REV3L: variants seen among roughly 807,000 people sequenced by gnomAD.
REV3L encodes the protein REV3 like, DNA directed polymerase zeta catalytic subunit, also known as DNA polymerase zeta catalytic subunit.
A neutral mutation model predicts 299.4 loss-of-function variants in REV3L; 69 were observed. The observed-to-expected ratio is 0.23, with a 90% CI of 0.19 to 0.28. The LOEUF (loss-of-function observed/expected upper bound fraction) is 0.28, where lower values mean the gene tolerates loss of function less well. REV3L is among the 10% of genes least tolerant of loss of function. The pLI, the probability that REV3L is intolerant of heterozygous loss-of-function variation, is 1.00. For synonymous variants in REV3L, 1,238 were observed against 1,271.4 expected (o/e 0.97, Z 0.56); for missense variants, 3,128 against 3,693.8 (o/e 0.85, Z 3.97).
chr6:111,374,340 G>T lies in REV3L; in HGVS notation c.4015C>A (p.Pro1339Thr), dbSNP rs17539616. 2 of 1,613,844 alleles carry T rather than the reference G, an allele frequency of 1.2e-6. No individual in the cohort carries two copies. Among genetic ancestry groups the T allele is most frequent in the African/African-American group, 1.3e-5 (1 of 75,008 alleles). Residue 1339 changes from proline (P) to threonine (T), a missense_variant, in exon 13 of 32, where the codon CCT (proline) becomes ACT (threonine). Pro to Thr is a conservative substitution (Grantham distance 38). Transcript: ENST00000368802. The stretch of plus-strand genomic sequence containing the variant: ...GTAAACATAGCACTTTGATTATGAG[G>T]CCTTTGAACATTAATTTTTGAGACT... ...PGVSKINVQR[P>T]HNQSAMFTLK...
chr6:111,350,316 T>G (rs573465221), intron 19 of REV3L, among the ~76,000 whole-genome samples: 1 of 152,278 alleles, frequency 6.6e-6, no homozygotes, highest in East Asian at 1.9e-4. Flanking sequence ...AAAGAGATAA[T>G]GTTTAAAAGT....
rs969707989 is a variant in REV3L at position 111,455,205 on chromosome 6, T to C, written c.139+27545A>G. ...GAGAGGCTTCACAGTGTAGATGATG[T>C]CTCAGGACAGTCTTGAAGTGTGAAG... is the stretch of plus-strand genomic sequence containing the variant. On this transcript the variant is annotated intron_variant, in intron 1 of 31. Coordinates refer to ENST00000368802, the MANE Select transcript of REV3L (RefSeq NM_001372078.1). 4.0e-5 allele frequency among the ~76,000 whole-genome samples: 6 copies of C among 151,784 alleles called. No individual in the cohort carries two copies. The East Asian group carries it at 5.8e-4, about 15-fold the overall frequency.
At chr6:111,408,327 G>A (rs1783865793) in intron 3 of REV3L, among the ~76,000 whole-genome samples, 1 of 152,166 alleles carries the variant, frequency 6.6e-6, no homozygotes, top group African/African-American at 2.4e-5. Flanking sequence ...GAGGGGCTGG[G>A]CACGGTGGCT....
chr6:111,322,994 CT>C (rs780823778), intron 25 of REV3L, among the ~76,000 whole-genome samples: 206 of 117,638 alleles, frequency 1.8e-3, no homozygotes, highest in Middle Eastern at 5.2e-3. Flanking sequence ...TATTCAAGAA[CT>C]TTTTTTTTTT....
At position 111,375,953 on chromosome 6, in the gene REV3L, C is replaced by G; in HGVS notation, c.2402G>C (p.Ser801Thr). The stretch of plus-strand genomic sequence containing the variant: ...AGTAAGACAGTTAGAAAGAACAACA[C>G]TGGGAAAAAACATATAGTGTGCTGC... ...QQAAHYMFFP[S>T]VVLSNCLTRP... The change falls in exon 13 of 32, where the codon AGT becomes ACT. Residue 801 changes from serine (S) to threonine (T), a missense_variant. Around this residue, in one of 9 missense-constraint regions of REV3L, gnomAD observed 2,409 missense variants for 2,611.8 expected, o/e 0.92. Transcript: ENST00000368802. 1 of 1,613,848 alleles carries G rather than the reference C, an allele frequency of 6.2e-7. No individual in the cohort carries two copies. The highest frequency in any genetic ancestry group is 8.5e-7 in the Non-Finnish European group (1 of 1,179,890).
chr6:111,429,788 CG>C (rs1226191526), intron 1 of REV3L, among the ~76,000 whole-genome samples: 1 of 151,940 alleles, frequency 6.6e-6, no homozygotes, highest in Non-Finnish European at 1.5e-5. Context: ...GGGCCTGGCG[CG>C]GGGGGTGAGC....
At chr6:111,437,238 A>G (rs1304314267) in intron 1 of REV3L, among the ~76,000 whole-genome samples, 1 of 152,192 alleles carries the variant, frequency 6.6e-6, no homozygotes, top group East Asian at 1.9e-4. Context: ...ACTCCTAGGT[A>G]TATGTCTAAG....
chr6:111,388,679 T>A (rs760875067), intron 7 of REV3L, among the ~76,000 whole-genome samples: 21 of 152,178 alleles, frequency 1.4e-4, no homozygotes, highest in Non-Finnish European at 2.8e-4. Flanking sequence ...AGAGCTTATA[T>A]GACATACTCA....
chr6:111,450,478 C>CAAAAAAAAAAAAAAAAA (rs869119350), intron 1 of REV3L, among the ~76,000 whole-genome samples: 1 of 54,114 alleles, frequency 1.8e-5, no homozygotes, highest in Non-Finnish European at 2.8e-5. Context: ...GACCCTGTCT[C>CAAAAAAAAAAAAAAAAA]AAAAAAAAAA....
rs1187391571 is a variant in REV3L, at chr6:111,329,107, G to C, written c.8241+425C>G. Among the ~76,000 whole-genome samples, 4 of 151,590 alleles carry C rather than the reference G, an allele frequency of 2.6e-5. No homozygotes were observed. The East Asian group carries it at 7.8e-4, about 29-fold the overall frequency. On this transcript the variant is annotated intron_variant, in intron 25 of 31. Coordinates refer to ENST00000368802, the MANE Select transcript of REV3L (RefSeq NM_001372078.1). ...CGCCCAGGCTGGAGTGCAATGGCGC[G>C]ATCTTGGCTCACTGCAACCTCTGCC...
chr6:111,387,133 G>A (rs1473248351), intron 9 of REV3L, among the ~76,000 whole-genome samples: 2 of 152,150 alleles, frequency 1.3e-5, no homozygotes, highest in Non-Finnish European at 2.9e-5. Flanking sequence ...ACTACAACAT[G>A]TATAAAACTT....
chr6:111,474,197 A>G (rs750077163), intron 1 of REV3L, among the ~76,000 whole-genome samples: 8 of 152,256 alleles, frequency 5.3e-5, no homozygotes, highest in Non-Finnish European at 1.0e-4. Flanking sequence ...TTCAAAATTA[A>G]AATCATGCTT....
chr6:111,466,404 CAT>C (rs1160196688), intron 1 of REV3L, among the ~76,000 whole-genome samples: 2 of 151,920 alleles, frequency 1.3e-5, no homozygotes, highest in African/African-American at 2.4e-5. Flanking sequence ...AAAAAAAGCA[CAT>C]AGAGGAATTT....
chr6:111,449,194 C>T (rs1789214963), intron 1 of REV3L, among the ~76,000 whole-genome samples: 1 of 152,178 alleles, frequency 6.6e-6, no homozygotes, highest in Admixed American at 6.5e-5. Context: ...ACACATTAGA[C>T]ATTGGCCAGC....
At chr6:111,447,349 T>C (rs543514673) in intron 1 of REV3L, among the ~76,000 whole-genome samples, 2 of 152,126 alleles carry the variant, frequency 1.3e-5, no homozygotes, top group East Asian at 3.9e-4. Flanking sequence ...CAGAGAAAAA[T>C]GCAATCTCAC....
Position 111,388,047 on chromosome 6 carries a change from A to AT in REV3L, c.900dup (p.Phe301IlefsTer13). On this transcript the variant is annotated frameshift_variant, in exon 8 of 32. Transcript: ENST00000368802. LOFTEE classifies it high-confidence loss of function. ...AGAATTTCCTGAAGTCTCTTCTGAA[A>AT]TTTTTTTTCACTTTCTGTTGCTGGC... is the stretch of plus-strand genomic sequence containing the variant. 3 of 1,612,270 alleles carry AT rather than the reference A, an allele frequency of 1.9e-6. No individual in the cohort carries two copies. The highest frequency in any genetic ancestry group is 2.5e-6 in the Non-Finnish European group (3 of 1,179,280).
intron 21 of REV3L, among the ~76,000 whole-genome samples, chr6:111,340,276 A>G (rs577265378): frequency 1.3e-5 from 2 of 152,314 alleles, no homozygotes; most frequent in Non-Finnish European, 2.9e-5. Flanking sequence ...CTGGAATAGT[A>G]TTTAATAACT....
intron 7 of REV3L, among the ~76,000 whole-genome samples, chr6:111,388,884 C>T (rs528765630): frequency 1.3e-4 from 20 of 152,160 alleles, no homozygotes; most frequent in African/African-American, 4.3e-4. Flanking sequence ...AAACAAAGAA[C>T]AGTAAAAACG....
chr6:111,437,296 T>C (rs1012990902), intron 1 of REV3L, among the ~76,000 whole-genome samples: 1 of 152,152 alleles, frequency 6.6e-6, no homozygotes, highest in Non-Finnish European at 1.5e-5. Flanking sequence ...TGAATATTCA[T>C]AGCAGCATTA....
Sources: allele counts gnomAD v4.1 joint callset (sites outside exome capture counted in the v4.1 genomes callset), GRCh38; gene constraint gnomAD v4.1.1; regional missense constraint gnomAD v4.1.1; transcripts MANE v1.5; gene names NCBI Gene and HGNC (gene_info 2026-07-23, HGNC 2026-07-21).